TRPM8: variants seen among roughly 807,000 people sequenced by gnomAD.
TRPM8 encodes the protein transient receptor potential cation channel subfamily M member 8.
Under a neutral mutation model 133.7 loss-of-function variants are expected in TRPM8, and 110 were observed. That is an observed-to-expected ratio of 0.82 (90% CI 0.70 to 0.96). The LOEUF is 0.96. Among genes scored for constraint, TRPM8 ranks in the 40% least tolerant of loss-of-function variants. TRPM8 has a pLI of 0.00. For missense variants in TRPM8, 1,291 were observed against 1,379.5 expected (o/e 0.94, Z 1.02); for synonymous variants, 535 against 532.3 (o/e 1.01, Z -0.07).
chr2:233,933,096 T>C (rs1691712806), intron 3 of TRPM8, among the ~76,000 whole-genome samples: 1 of 152,062 alleles, frequency 6.6e-6, no homozygotes, highest in Non-Finnish European at 1.5e-5. Context: ...AGCCACCTTC[T>C]GGCACACTAT....
intron 1 of TRPM8, 40 bp from the exon 2 acceptor site, chr2:233,926,493 G>A: frequency 6.6e-7 from 1 of 1,509,858 alleles, no homozygotes; most frequent in South Asian, 1.1e-5. Context: ...CCCTGTTACT[G>A]TTTGTAACCC....
rs1559527331 is a variant in TRPM8 at position 233,955,159 on chromosome 2, A to G, written c.1271A>G (p.Asp424Gly). 3.1e-6 allele frequency: 5 copies of G among 1,614,184 alleles called. No homozygotes were observed. Among genetic ancestry groups the G allele is most frequent in the Non-Finnish European group, 4.2e-6 (5 of 1,180,024 alleles). The change falls in exon 11 of 26, where the codon GAT becomes GGT. Residue 424 changes from aspartate (D) to glycine (G), a missense_variant. This residue lies in a region of TRPM8 where 963 missense variants were observed against 968.9 expected (regional missense o/e 0.99). Coordinates refer to ENST00000324695, the MANE Select transcript of TRPM8 (RefSeq NM_024080.5). ...TTCAGCACCAGTGAGCAAGACAAGG[A>G]TAACTGGAATGGGCAGCTGAAGCTT... Reference protein sequence around the residue: ...KAFSTSEQDKDNWNGQLKLLL... With the variant: ...KAFSTSEQDKGNWNGQLKLLL...
At chr2:233,947,583 G>A (rs1273631808) in intron 8 of TRPM8, 1 of 1,291,008 alleles carries the variant, frequency 7.7e-7, no homozygotes, top group Non-Finnish European at 1.0e-6. Flanking sequence ...GGGGATGCAG[G>A]TATGTTGCAT....
In TRPM8 at chr2:233,964,697, G is replaced by C; in HGVS notation, c.1819G>C (p.Asp607His). 2 of 1,612,658 alleles carry C rather than the reference G, an allele frequency of 1.2e-6. No individual in the cohort carries two copies. Among genetic ancestry groups the C allele is most frequent in the Non-Finnish European group, 1.7e-6 (2 of 1,179,082 alleles). ...LLKTLAKVKN[D>H]INAAGESEEL... is the part of the protein sequence containing the mutation. ...GAAGACTCTGGCCAAAGTGAAGAAC[G>C]ACATCAATGCTGCTGGGGAGTCCGA... Residue 607 changes from aspartate (D) to histidine (H), a missense_variant, in exon 14 of 26, where the codon GAC becomes CAC. Around this residue, in one of 2 missense-constraint regions of TRPM8, gnomAD observed 963 missense variants for 968.9 expected, o/e 0.99. Coordinates refer to ENST00000324695, the MANE Select transcript of TRPM8 (RefSeq NM_024080.5).
At chr2:234,010,862 T>C (rs1009207038) in intron 24 of TRPM8, among the ~76,000 whole-genome samples, 19 of 152,228 alleles carry the variant, frequency 1.2e-4, no homozygotes, top group Non-Finnish European at 2.6e-4. Context: ...TCCCTATGTA[T>C]TGTGGATATT....
chr2:234,017,400 G>T lies in TRPM8; in HGVS notation c.*144G>T, dbSNP rs867458353. On this transcript the variant is annotated 3_prime_UTR_variant, in exon 26 of 26. Coordinates refer to ENST00000324695, the MANE Select transcript of TRPM8 (RefSeq NM_024080.5). ...GTGGATGATTTTAAATCACCCTAGT[G>T]TGCTGAGACCTTGAGAATAAAGTGT... 8 of 470,604 alleles carry T rather than the reference G, an allele frequency of 1.7e-5. No homozygotes were observed. The Middle Eastern group carries it at 2.0e-3, about 115-fold the overall frequency. The allele number at this position is 470,604 out of a possible 1,614,324, so 29.2% of individuals were successfully genotyped here.
chr2:233,953,396 A>G (rs4663990), intron 9 of TRPM8, among the ~76,000 whole-genome samples: 57,936 of 152,168 alleles, frequency 0.38, 17,506 homozygotes, highest in African/African-American at 0.81. Context: ...TTGAAATTAC[A>G]GGGTTATTTA....
At chr2:233,969,270 G>GACC (rs1476156614) in intron 15 of TRPM8, among the ~76,000 whole-genome samples, 1 of 151,710 alleles carries the variant, frequency 6.6e-6, no homozygotes, top group African/African-American at 2.4e-5. Flanking sequence ...CTGAGGTCGG[G>GACC]AGTTTGTGAC....
At chr2:233,976,337 C>T (rs764049276) in intron 17 of TRPM8, among the ~76,000 whole-genome samples, 34 of 152,166 alleles carry the variant, frequency 2.2e-4, no homozygotes, top group Non-Finnish European at 4.4e-4. Flanking sequence ...GTGCATTTAG[C>T]TACTAAGTCA....
intron 4 of TRPM8, among the ~76,000 whole-genome samples, chr2:233,937,971 T>C (rs896746550): frequency 6.6e-6 from 1 of 152,222 alleles, no homozygotes; most frequent in Non-Finnish European, 1.5e-5. Flanking sequence ...GCTCCCAGTC[T>C]CAATGAGAGC....
chr2:234,004,056 A>G (rs572685954), intron 22 of TRPM8, among the ~76,000 whole-genome samples: 1 of 152,354 alleles, frequency 6.6e-6, no homozygotes, highest in Admixed American at 6.5e-5. Flanking sequence ...TTTGGCCAGC[A>G]AATGAAAAGG....
chr2:234,005,515 C>A (rs1164591876), intron 22 of TRPM8, among the ~76,000 whole-genome samples: 1 of 152,108 alleles, frequency 6.6e-6, no homozygotes, highest in Non-Finnish European at 1.5e-5. Context: ...GACATTGAAA[C>A]TTCTTTGTTG....
At chr2:233,968,858 TAC>T (rs1287846019) in intron 15 of TRPM8, among the ~76,000 whole-genome samples, 2 of 152,114 alleles carry the variant, frequency 1.3e-5, no homozygotes, top group Non-Finnish European at 2.9e-5. Context: ...CAAGGGTTGA[TAC>T]AGTCTGGGGA....
intron 2 of TRPM8, among the ~76,000 whole-genome samples, chr2:233,928,351 C>T (rs1691611520): frequency 6.6e-6 from 1 of 152,144 alleles, no homozygotes; most frequent in Admixed American, 6.5e-5. Context: ...GTGACCCCCT[C>T]CCAGATGCAG....
At chr2:233,929,926 C>T (rs1691647581) in intron 2 of TRPM8, among the ~76,000 whole-genome samples, 1 of 152,120 alleles carries the variant, frequency 6.6e-6, no homozygotes, top group Non-Finnish European at 1.5e-5. Context: ...TGAGGTTGAG[C>T]TTCCTTTCAT....
chr2:233,942,236 C>T (rs909488494), intron 5 of TRPM8, among the ~76,000 whole-genome samples: 6 of 151,968 alleles, frequency 3.9e-5, no homozygotes, highest in East Asian at 3.9e-4. Context: ...GCCATCACCA[C>T]GCCTGGCTAA....
intron 25 of TRPM8, among the ~76,000 whole-genome samples, chr2:234,015,314 G>C (rs1029011434): frequency 2.0e-5 from 3 of 150,318 alleles, no homozygotes; most frequent in Non-Finnish European, 4.4e-5. Flanking sequence ...TGGACACGTC[G>C]AGTTAGGAAA....
At chr2:233,997,264 A>C (rs1692431147) in intron 22 of TRPM8, among the ~76,000 whole-genome samples, 1 of 151,976 alleles carries the variant, frequency 6.6e-6, no homozygotes, top group Non-Finnish European at 1.5e-5. Flanking sequence ...ACAGAGTGAG[A>C]CTCCGTCTCA....
At chr2:233,999,384 T>G (rs956011125) in intron 22 of TRPM8, among the ~76,000 whole-genome samples, 2 of 152,244 alleles carry the variant, frequency 1.3e-5, no homozygotes, top group African/African-American at 4.8e-5. Context: ...GAAAGTCAGA[T>G]GACGTCACTT....
Sources: gnomAD v4.1 joint callset for allele counts (sites outside exome capture counted in the v4.1 genomes callset) on GRCh38, gnomAD v4.1.1 for gene constraint, gnomAD v4.1.1 regional missense constraint, MANE v1.5 for transcripts, NCBI Gene and HGNC (gene_info 2026-07-23, HGNC 2026-07-21) for gene names.